FYN: variants seen among roughly 807,000 people sequenced by gnomAD.
FYN encodes the protein FYN proto-oncogene, Src family tyrosine kinase.
In FYN, 10 loss-of-function variants were observed where a neutral mutation model predicts 70.2. The observed-to-expected ratio is 0.14, with a 90% CI of 0.09 to 0.24. The LOEUF (loss-of-function observed/expected upper bound fraction) is 0.24, where lower values mean the gene tolerates loss of function less well. Ranked by LOEUF, FYN falls within the 10% of genes least tolerant of loss-of-function variation. The pLI, the probability that FYN is intolerant of heterozygous loss-of-function variation, is 1.00. For synonymous variants in FYN, 236 were observed against 248.6 expected (o/e 0.95, Z 0.48); for missense variants, 319 against 673.1 (o/e 0.47, Z 5.82).
chr6:111,866,076 T>C (rs187307317), intron 1 of FYN, among the ~76,000 whole-genome samples: 1 of 152,348 alleles, frequency 6.6e-6, no homozygotes, highest in Admixed American at 6.5e-5. Context: ...AAAGCATGTA[T>C]GTCATATGTG....
At chr6:111,872,052 G>A (rs1774288795) in intron 1 of FYN, among the ~76,000 whole-genome samples, 1 of 152,180 alleles carries the variant, frequency 6.6e-6, no homozygotes, top group African/African-American at 2.4e-5. Context: ...TCTATGCACT[G>A]AAAGGGCTCT....
At chr6:111,832,613 A>G (rs1215169684) in intron 2 of FYN, among the ~76,000 whole-genome samples, 1 of 147,304 alleles carries the variant, frequency 6.8e-6, no homozygotes, top group Non-Finnish European at 1.5e-5. Flanking sequence ...TCATCATTTT[A>G]ATTAATATAT....
At chr6:111,745,256 C>T (rs1802155964) in intron 3 of FYN, among the ~76,000 whole-genome samples, 1 of 152,176 alleles carries the variant, frequency 6.6e-6, no homozygotes, top group African/African-American at 2.4e-5. Context: ...GTGTCCAGCC[C>T]ATGGGAGAAG....
rs755055733 is a variant in FYN at position 111,720,073 on chromosome 6, C to A, written c.-11-11G>T. The stretch of plus-strand genomic sequence containing the variant: ...CCATTATCTAAATTCCTGCCAAAGA[C>A]AAAAAAGGGGGCACGTAAGCTGGGA... On this transcript the variant is annotated splice_polypyrimidine_tract_variant and intron_variant, in intron 3 of 13. Transcript: ENST00000354650. The A allele has an allele frequency of 1.0e-5, 16 of 1,561,674 alleles. No homozygotes were observed. The Admixed American group carries it at 1.3e-4, about 13-fold the overall frequency.
intron 3 of FYN, among the ~76,000 whole-genome samples, chr6:111,771,769 C>T (rs552042958): frequency 4.9e-4 from 75 of 152,310 alleles, no homozygotes; most frequent in African/African-American, 1.7e-3. Context: ...ATAAAGATCC[C>T]GGTTTCCAGT....
At chr6:111,841,900 A>G (rs993755801) in intron 2 of FYN, among the ~76,000 whole-genome samples, 2 of 152,014 alleles carry the variant, frequency 1.3e-5, no homozygotes, top group Non-Finnish European at 2.9e-5. Context: ...GTTATTACGC[A>G]TGATACATAA....
At chr6:111,665,027 A>G (rs1352544788) in intron 13 of FYN, among the ~76,000 whole-genome samples, 1 of 152,236 alleles carries the variant, frequency 6.6e-6, no homozygotes, top group Non-Finnish European at 1.5e-5. Context: ...CCCACTCAGC[A>G]AGGCTTGGGC....
chr6:111,684,933 C>A (rs574818094), intron 12 of FYN, among the ~76,000 whole-genome samples: 1 of 152,214 alleles, frequency 6.6e-6, no homozygotes, highest in East Asian at 1.9e-4. Flanking sequence ...CTGAATAATT[C>A]CAATTATCCT....
chr6:111,715,275 C>T (rs117301536), intron 4 of FYN, among the ~76,000 whole-genome samples: 3,208 of 151,426 alleles, frequency 0.021, 48 homozygotes, highest in Middle Eastern at 0.068. Flanking sequence ...AGACGGGGGT[C>T]TCACTATGTT....
At chr6:111,845,432 T>C (rs1773497763) in intron 2 of FYN, among the ~76,000 whole-genome samples, 1 of 152,186 alleles carries the variant, frequency 6.6e-6, no homozygotes, top group Non-Finnish European at 1.5e-5. Flanking sequence ...CCCTGGTTTG[T>C]ATGAGCTGAA....
At chr6:111,783,781 C>T (rs923249711) in intron 2 of FYN, among the ~76,000 whole-genome samples, 2 of 152,250 alleles carry the variant, frequency 1.3e-5, no homozygotes, top group Non-Finnish European at 2.9e-5. Flanking sequence ...CATGGCAGCA[C>T]GCCCAGCTGG....
intron 2 of FYN, among the ~76,000 whole-genome samples, chr6:111,781,803 C>T (rs1405246475): frequency 6.6e-6 from 1 of 152,176 alleles, no homozygotes; most frequent in Non-Finnish European, 1.5e-5. Flanking sequence ...TACTCTTATA[C>T]AGTTATCAAA....
At chr6:111,671,244 A>T (rs1216140505) in intron 13 of FYN, among the ~76,000 whole-genome samples, 2 of 150,612 alleles carry the variant, frequency 1.3e-5, no homozygotes, top group East Asian at 3.9e-4. Flanking sequence ...TCTTTTGTCC[A>T]CTCCTCTCAC....
intron 5 of FYN, among the ~76,000 whole-genome samples, chr6:111,713,256 G>C (rs569096023): frequency 7.4e-4 from 113 of 152,278 alleles, no homozygotes; most frequent in African/African-American, 2.3e-3. Flanking sequence ...CCTGAAGGAG[G>C]TCCCTGTGGC....
chr6:111,696,241 C>A, intron 10 of FYN, 36 bp downstream of exon 10: 1 of 1,554,702 alleles, frequency 6.4e-7, no homozygotes, highest in Non-Finnish European at 8.7e-7. Context: ...CCCCTTAAGG[C>A]ACTGTGAGCT....
intron 3 of FYN, among the ~76,000 whole-genome samples, chr6:111,723,947 G>C (rs1801071875): frequency 6.6e-6 from 1 of 152,166 alleles, no homozygotes. Flanking sequence ...ATAGTCTTCT[G>C]CAAGTTATCA....
intron 3 of FYN, among the ~76,000 whole-genome samples, chr6:111,755,833 T>C (rs1171374378): frequency 6.6e-6 from 1 of 152,108 alleles, no homozygotes; most frequent in Non-Finnish European, 1.5e-5. Flanking sequence ...TGAGTGATGA[T>C]AAAAATACTC....
At chr6:111,818,322 C>G (rs1324622143) in intron 2 of FYN, among the ~76,000 whole-genome samples, 1 of 152,154 alleles carries the variant, frequency 6.6e-6, no homozygotes, top group Non-Finnish European at 1.5e-5. Flanking sequence ...AGCACAGCAG[C>G]AGCACACACC....
At chr6:111,819,191 C>A (rs1459501936) in intron 2 of FYN, among the ~76,000 whole-genome samples, 1 of 152,172 alleles carries the variant, frequency 6.6e-6, no homozygotes, top group Non-Finnish European at 1.5e-5. Context: ...TCCCCTTAAT[C>A]CCCTACATCC....
Sources: gnomAD v4.1 joint callset for allele counts (sites outside exome capture counted in the v4.1 genomes callset) on GRCh38, gnomAD v4.1.1 for gene constraint, MANE v1.5 for transcripts, NCBI Gene and HGNC (gene_info 2026-07-23, HGNC 2026-07-21) for gene names.